The following AVL9 variants were observed in gnomAD, a reference collection of about 807,000 sequenced individuals.
AVL9 encodes late secretory pathway protein AVL9 homolog.
Under a neutral mutation model 79.2 loss-of-function variants are expected in AVL9, and 49 were observed. That is an observed-to-expected ratio of 0.62 (90% confidence interval 0.49 to 0.79). The LOEUF (loss-of-function observed/expected upper bound fraction) is 0.79, where lower values mean the gene tolerates loss of function less well. Among genes scored for constraint, AVL9 ranks in the 30% least tolerant of loss-of-function variants. AVL9 has a pLI of 0.00. For synonymous variants in AVL9, 299 were observed against 280.6 expected, an observed-to-expected ratio of 1.07 and a Z score of -0.65; for missense variants, 682 against 776.8, an observed-to-expected ratio of 0.88 and a Z score of 1.45.
In AVL9 at chr7:32,559,297, C is replaced by G. The variant is rs561757264; in HGVS notation, c.1048C>G (p.Leu350Val). The G allele has an allele frequency of 6.2e-7, 1 of 1,614,208 alleles. No homozygotes were observed. Among genetic ancestry groups the G allele is most frequent in the South Asian group, 1.1e-5 (1 of 91,084 alleles). Reference protein sequence around the residue: ...EDPNLKEREQLGSDQTNLFPK... With the variant: ...EDPNLKEREQVGSDQTNLFPK... Reference sequence around the variant, plus strand: ...CCCCAACTTGAAAGAAAGGGAACAGCTGGGATCAGACCAGACAAATTTGTT... The same window carrying G: ...CCCCAACTTGAAAGAAAGGGAACAGGTGGGATCAGACCAGACAAATTTGTT... The change falls in exon 10 of 16, where the codon CTG becomes GTG. Residue 350 changes from leucine to valine, a missense_variant. Coordinates refer to ENST00000318709, the MANE Select transcript of AVL9 (RefSeq NM_015060.3).
chr7:32,580,693 G>T, intron 14 of AVL9, 109 bp from the exon 15 acceptor site: 2 of 650,124 alleles, frequency 3.1e-6, no homozygotes, highest in African/African-American at 1.9e-5. Flanking sequence ...TTCTAATTTT[G>T]GATGGTTACA....
intron 10 of AVL9, among the ~76,000 whole-genome samples, chr7:32,566,695 G>A (rs2128145939): frequency 6.7e-6 from 1 of 149,342 alleles, no homozygotes; most frequent in East Asian, 2.0e-4. Flanking sequence ...TGGCTAACAC[G>A]GTGAAACCCC....
Position 32,510,549 on chromosome 7 carries a change from G to A in AVL9, c.93+14747G>A, listed in dbSNP as rs1052477098. 5.6e-5 allele frequency among the ~76,000 whole-genome samples: 8 copies of A among 141,908 alleles called. 1 individual carries two copies. The highest frequency in any genetic ancestry group is 2.1e-4 in the African/African-American group (8 of 38,304). 93.1% of individuals were successfully genotyped at this position (141,908 alleles called of 152,430 possible). ...ACTTCTGAACTGCCCCAGTATGAGG[G>A]AAGCCATCTCTCCAGGGTAAGATTT... On this transcript the variant is annotated intron_variant, in intron 1 of 15. Coordinates refer to ENST00000318709, the MANE Select transcript of AVL9 (RefSeq NM_015060.3).
chr7:32,519,748 T>G (rs1288474266), intron 1 of AVL9, among the ~76,000 whole-genome samples: 3 of 152,226 alleles, frequency 2.0e-5, no homozygotes, highest in Non-Finnish European at 2.9e-5. Context: ...ACTGTATTAG[T>G]TCATTCTTAC....
chr7:32,522,818 A>G (rs1788219970), intron 1 of AVL9, among the ~76,000 whole-genome samples: 1 of 151,992 alleles, frequency 6.6e-6, no homozygotes, highest in African/African-American at 2.4e-5. Flanking sequence ...ACCCAGGGGG[A>G]GGTAATTGAA....
At chr7:32,522,394 G>T (rs1426878930) in intron 1 of AVL9, among the ~76,000 whole-genome samples, 5 of 152,158 alleles carry the variant, frequency 3.3e-5, no homozygotes, top group African/African-American at 1.2e-4. Context: ...TTGAGACCTG[G>T]AATCAAAGGA....
intron 11 of AVL9, among the ~76,000 whole-genome samples, chr7:32,572,530 T>G (rs572281070): frequency 6.7e-6 from 1 of 150,346 alleles, no homozygotes; most frequent in Admixed American, 6.6e-5. Context: ...TGGCCGGGCA[T>G]GGTGGCTCAC....
At chr7:32,563,173 A>G (rs1790404206) in intron 10 of AVL9, among the ~76,000 whole-genome samples, 1 of 152,082 alleles carries the variant, frequency 6.6e-6, no homozygotes, top group Non-Finnish European at 1.5e-5. Context: ...CTGGGACTAC[A>G]GGTGCCCATC....
chr7:32,542,546 A>T (rs772220935), intron 1 of AVL9, among the ~76,000 whole-genome samples: 1 of 152,162 alleles, frequency 6.6e-6, no homozygotes, highest in Non-Finnish European at 1.5e-5. Flanking sequence ...ACAGAGTGAG[A>T]CTGTCTCAAA....
chr7:32,556,759 C>T (rs1336610400), intron 8 of AVL9, among the ~76,000 whole-genome samples: 2 of 151,970 alleles, frequency 1.3e-5, no homozygotes, highest in Non-Finnish European at 2.9e-5. Flanking sequence ...AGCCACAGAA[C>T]ACTTTGAATT....
chr7:32,575,912 G>A (rs747467374), intron 12 of AVL9, 43 bp from the exon 13 acceptor site: 2 of 1,364,310 alleles, frequency 1.5e-6, no homozygotes, highest in Admixed American at 1.7e-5. Context: ...ATCCCTGAAT[G>A]GCTACAGCCC....
chr7:32,521,083 G>T (rs1788124986), intron 1 of AVL9, among the ~76,000 whole-genome samples: 1 of 151,994 alleles, frequency 6.6e-6, no homozygotes, highest in Non-Finnish European at 1.5e-5. Context: ...CCAGCCATGT[G>T]GAACTTTAGT....
In AVL9 at chr7:32,499,888, T is replaced by A. The variant is rs562902587; in HGVS notation, c.93+4086T>A. Among the ~76,000 whole-genome samples the A allele has an allele frequency of 3.3e-5, 5 of 152,264 alleles. No homozygotes were observed. The South Asian group carries it at 1.0e-3, about 32-fold the overall frequency. On this transcript the variant is annotated intron_variant, in intron 1 of 15. Transcript: ENST00000318709. ...TGTGTTAGTTTGCTGAGAATGATGG[T>A]TTCCAGCTTCATCCATATCTCTGCA...
chr7:32,556,666 A>G (rs529970857), intron 8 of AVL9, among the ~76,000 whole-genome samples: 1 of 152,330 alleles, frequency 6.6e-6, no homozygotes, highest in Admixed American at 6.5e-5. Flanking sequence ...CACATAACAT[A>G]CAATTTATCA....
In AVL9 at chr7:32,573,298, G is replaced by A. The variant is rs773838535; in HGVS notation, c.1450G>A (p.Val484Met). ...LRFADYLVRH[V>M]TENRDDVFLD... Reference sequence around the variant, plus strand: ...GTTCGCAGACTACCTAGTGAGGCACGTGACTGAGAATCGGGATGACGTCTT... The same window carrying A: ...GTTCGCAGACTACCTAGTGAGGCACATGACTGAGAATCGGGATGACGTCTT... The change falls in exon 12 of 16, where the codon GTG becomes ATG. Residue 484 changes from valine to methionine, a missense_variant. Val to Met is a conservative substitution (Grantham distance 21). Coordinates refer to ENST00000318709, the MANE Select transcript of AVL9 (RefSeq NM_015060.3). 14 of 1,613,738 alleles carry A rather than the reference G, an allele frequency of 8.7e-6. No individual in the cohort carries two copies. Among genetic ancestry groups the A allele is most frequent in the Non-Finnish European group, 1.1e-5 (13 of 1,179,996 alleles).
rs576327323 is a variant in AVL9 at position 32,575,304 on chromosome 7, G to A, written c.1571-651G>A. 2.6e-5 allele frequency among the ~76,000 whole-genome samples: 4 copies of A among 152,138 alleles called. No individual in the cohort carries two copies. The East Asian group carries it at 5.8e-4, about 22-fold the overall frequency. On this transcript the variant is annotated intron_variant, in intron 12 of 15. Transcript: ENST00000318709. ...GGCAGAGACAGGGTTTTGCCATGTC[G>A]GCCAGGCTGGTCTCGAACTCCTGAC... is the stretch of plus-strand genomic sequence containing the variant.
chr7:32,570,872 C>T (rs1422176006), intron 11 of AVL9, among the ~76,000 whole-genome samples: 7 of 147,890 alleles, frequency 4.7e-5, no homozygotes, highest in East Asian at 2.1e-4. Flanking sequence ...CCACCCACCT[C>T]GGCCTCCCCA....
At chr7:32,505,251 C>T (rs1378188396) in intron 1 of AVL9, among the ~76,000 whole-genome samples, 3 of 151,450 alleles carry the variant, frequency 2.0e-5, no homozygotes, top group Non-Finnish European at 2.9e-5. Flanking sequence ...TTCGGCTGGG[C>T]GTGGTGGCTT....
At chr7:32,515,389 G>A (rs1027541572) in intron 1 of AVL9, among the ~76,000 whole-genome samples, 1 of 152,208 alleles carries the variant, frequency 6.6e-6, no homozygotes, top group Non-Finnish European at 1.5e-5. Context: ...AATTGGCTGA[G>A]AGCTGGGAGC....
Sources: gnomAD v4.1 joint callset for allele counts (sites outside exome capture counted in the v4.1 genomes callset) on GRCh38, gnomAD v4.1.1 for gene constraint, MANE v1.5 for transcripts, NCBI Gene and HGNC (gene_info 2026-07-23, HGNC 2026-07-21) for gene names.